SHLD1: variants seen among roughly 807,000 people sequenced by gnomAD.
SHLD1 encodes RINN1-REV7-interacting novel NHEJ regulator 3.
Under a neutral mutation model 5.5 loss-of-function variants are expected in SHLD1, and 3 were observed. The observed-to-expected ratio is 0.54, with a 90% CI of 0.25 to 1.40. The LOEUF (loss-of-function observed/expected upper bound fraction) is 1.40, where lower values mean the gene tolerates loss of function less well. Ranked by LOEUF, SHLD1 falls within the 40% of genes most tolerant of loss-of-function variation. The probability of loss-of-function intolerance (pLI) is 0.15; values close to 1 mark genes in which losing one functional copy is unlikely to be tolerated. For synonymous variants in SHLD1, 92 were observed against 94.3 expected (o/e 0.98, Z 0.14); for missense variants, 210 against 244.4 (o/e 0.86, Z 0.94).
intron 2 of SHLD1, among the ~76,000 whole-genome samples, chr20:5,796,166 C>T (rs1692897273): frequency 6.6e-6 from 1 of 151,902 alleles, no homozygotes; most frequent in African/African-American, 2.4e-5. Flanking sequence ...ATACATTTAC[C>T]AAAGCAAAAG....
At chr20:5,808,860 A>T (rs1371300147) in intron 2 of SHLD1, among the ~76,000 whole-genome samples, 1 of 152,270 alleles carries the variant, frequency 6.6e-6, no homozygotes, top group Non-Finnish European at 1.5e-5. Flanking sequence ...CACAAGAAAC[A>T]TTCTTACAGA....
intron 2 of SHLD1, among the ~76,000 whole-genome samples, chr20:5,801,376 C>T (rs531190512): frequency 6.6e-6 from 1 of 152,310 alleles, no homozygotes; most frequent in Non-Finnish European, 1.5e-5. Flanking sequence ...ATGCCTGGCC[C>T]AGCCACCATC....
rs1050680110 is a variant in SHLD1, at chr20:5,771,639, G to C, written c.-4-1223G>C. Among the ~76,000 whole-genome samples the C allele has an allele frequency of 1.3e-4, 20 of 150,634 alleles. 1 individual carries two copies. In the Middle Eastern group the frequency reaches 0.024, roughly 183 times the overall value. ...ATAACTTTTTTTTTTTTTTGAGACA[G>C]AGTCTTGCTCTGTAGCCCAGGCTGG... On this transcript the variant is annotated intron_variant, in intron 1 of 2. Transcript: ENST00000303142.
chr20:5,794,515 T>C (rs944606734), intron 2 of SHLD1, among the ~76,000 whole-genome samples: 1 of 152,262 alleles, frequency 6.6e-6, no homozygotes, highest in Non-Finnish European at 1.5e-5. Context: ...GCATTTGCTA[T>C]GAAAATATAT....
chr20:5,814,911 C>G (rs1348645777), intron 2 of SHLD1, among the ~76,000 whole-genome samples: 1 of 152,062 alleles, frequency 6.6e-6, no homozygotes, highest in Non-Finnish European at 1.5e-5. Flanking sequence ...CCTTGGCCTC[C>G]CAAATTGCTG....
At chr20:5,793,862 C>T (rs1323391964) in intron 2 of SHLD1, among the ~76,000 whole-genome samples, 2 of 152,064 alleles carry the variant, frequency 1.3e-5, no homozygotes, top group African/African-American at 4.8e-5. Context: ...CACATGCCAC[C>T]GTGCCTGGCT....
intron 2 of SHLD1, among the ~76,000 whole-genome samples, chr20:5,853,226 AC>A (rs1338912564): frequency 4.6e-5 from 7 of 152,180 alleles, no homozygotes; most frequent in African/African-American, 1.7e-4. Context: ...ATGGTGGCTC[AC>A]TTGAGGTCAG....
intron 2 of SHLD1, among the ~76,000 whole-genome samples, chr20:5,782,628 TTAAAG>T (rs2122277343): frequency 6.6e-6 from 1 of 152,330 alleles, no homozygotes; most frequent in African/African-American, 2.4e-5. Context: ...AGTTATAAGT[TTAAAG>T]TAAATAGTGA....
At position 5,850,045 on chromosome 20, in the gene SHLD1, G is replaced by A. The variant is rs547194944; in HGVS notation, c.179-12979G>A. On this transcript the variant is annotated intron_variant, in intron 2 of 2. Coordinates refer to ENST00000303142, the MANE Select transcript of SHLD1 (RefSeq NM_152504.4). ...TGTAATCTCAGCACTTTGGGAGGCC[G>A]GAGCAGGAGGATCACCTGAGCCCAG... Among the ~76,000 whole-genome samples the A allele has an allele frequency of 1.9e-3, 280 of 148,884 alleles. 2 individuals carry two copies. The highest frequency in any genetic ancestry group is 6.4e-3 in the African/African-American group (260 of 40,782).
intron 1 of SHLD1, among the ~76,000 whole-genome samples, chr20:5,769,461 C>T (rs1282752821): frequency 6.6e-6 from 1 of 152,184 alleles, no homozygotes; most frequent in Non-Finnish European, 1.5e-5. Flanking sequence ...ACTACGGACC[C>T]CCCAGGGGAT....
At chr20:5,851,601 C>T (rs1214353770) in intron 2 of SHLD1, among the ~76,000 whole-genome samples, 1 of 150,610 alleles carries the variant, frequency 6.6e-6, no homozygotes, top group African/African-American at 2.4e-5. Context: ...TAGTTTAAAA[C>T]ATAAAACAAA....
chr20:5,820,416 T>G (rs2087593603), intron 2 of SHLD1, among the ~76,000 whole-genome samples: 1 of 152,206 alleles, frequency 6.6e-6, no homozygotes, highest in Non-Finnish European at 1.5e-5. Flanking sequence ...CAGCAAAAAT[T>G]CAATGAGCAG....
chr20:5,853,415 C>T (rs1443034415), intron 2 of SHLD1, among the ~76,000 whole-genome samples: 2 of 152,118 alleles, frequency 1.3e-5, no homozygotes, highest in Non-Finnish European at 2.9e-5. Context: ...CACTGCACTC[C>T]AGCCTGAGCG....
chr20:5,803,312 A>G (rs2087324649), intron 2 of SHLD1, among the ~76,000 whole-genome samples: 1 of 152,106 alleles, frequency 6.6e-6, no homozygotes, highest in African/African-American at 2.4e-5. Context: ...TGAGATGAGT[A>G]CCACCATGCC....
chr20:5,789,286 AG>A, intron 2 of SHLD1, among the ~76,000 whole-genome samples: 1 of 151,506 alleles, frequency 6.6e-6, no homozygotes, highest in Non-Finnish European at 1.5e-5. Flanking sequence ...GTACCATTAA[AG>A]GGTAATTGGC....
chr20:5,836,940 G>T (rs2087796187), intron 2 of SHLD1, among the ~76,000 whole-genome samples: 1 of 152,160 alleles, frequency 6.6e-6, no homozygotes, highest in African/African-American at 2.4e-5. Context: ...GGAGAAATCT[G>T]CAACAAAACA....
At chr20:5,862,841 G>T (rs1370754751) in intron 2 of SHLD1, among the ~76,000 whole-genome samples, 183 bp from the exon 3 acceptor site, 4 of 152,194 alleles carry the variant, frequency 2.6e-5, no homozygotes, top group African/African-American at 9.7e-5. Context: ...CTCGTTGTGA[G>T]CAAGCAAGTG....
chr20:5,761,827 C>T (rs1039877342), intron 1 of SHLD1, among the ~76,000 whole-genome samples: 26 of 151,790 alleles, frequency 1.7e-4, no homozygotes, highest in African/African-American at 5.6e-4. Flanking sequence ...AGGCTGCTCT[C>T]GAACTACTGA....
chr20:5,829,563 GAGA>G (rs1468772457), intron 2 of SHLD1, among the ~76,000 whole-genome samples: 2 of 152,208 alleles, frequency 1.3e-5, no homozygotes, highest in African/African-American at 2.4e-5. Flanking sequence ...TATAAACTTA[GAGA>G]AGATTAACTC....
Sources: allele counts gnomAD v4.1 joint callset (sites outside exome capture counted in the v4.1 genomes callset), GRCh38; gene constraint gnomAD v4.1.1; transcripts MANE v1.5; gene names NCBI Gene and HGNC (gene_info 2026-07-23, HGNC 2026-07-21).